ZAP70: variants seen among roughly 807,000 people sequenced by gnomAD.
ZAP70 encodes the protein tyrosine-protein kinase ZAP-70.
In ZAP70, 27 loss-of-function variants were observed where a neutral mutation model predicts 65.8. The ratio of observed to expected loss-of-function variants is 0.41; its 90% CI spans 0.30 to 0.57. ZAP70 has a LOEUF of 0.57. ZAP70 is among the 20% of genes least tolerant of loss of function. The pLI, the probability that ZAP70 is intolerant of heterozygous loss-of-function variation, is 0.28. For missense variants in ZAP70, 696 were observed against 870.5 expected, an observed-to-expected ratio of 0.80 and a Z score of 2.52; for synonymous variants, 363 against 360.8, an observed-to-expected ratio of 1.01 and a Z score of -0.07.
rs1459572735 is a variant in ZAP70 at position 97,715,677 on chromosome 2, G to A, written c.-22+1683G>A. 1.3e-5 allele frequency among the ~76,000 whole-genome samples: 2 copies of A among 152,192 alleles called. No individual in the cohort carries two copies. Among genetic ancestry groups the A allele is most frequent in the Non-Finnish European group, 2.9e-5 (2 of 68,030 alleles). ...GCTGGCTGCTGCATTGGACAGACCT[G>A]AGTTCAAATCCTGGTGGCCCCTTGC... On this transcript the variant is annotated intron_variant, in intron 2 of 13. Coordinates refer to ENST00000264972, the MANE Select transcript of ZAP70 (RefSeq NM_001079.4). This position sits in a 1 kb window ranked among gnomAD's most constrained non-coding sequence, Gnocchi z 4.1.
At position 97,733,171 on chromosome 2, in the gene ZAP70, T is replaced by C; in HGVS notation, c.749T>C (p.Leu250Pro). 1 of 1,613,812 alleles carries C rather than the reference T, an allele frequency of 6.2e-7. No individual in the cohort carries two copies. Among genetic ancestry groups the C allele is most frequent in the Non-Finnish European group, 8.5e-7 (1 of 1,179,942 alleles). ...KLKADGLIYC[L>P]KEACPNSSAS... ...AAGGCGGACGGGCTCATCTACTGCC[T>C]GAAGGAGGCCTGCCCCAACAGCAGT... Residue 250 changes from leucine (L) to proline (P), a missense_variant, in exon 6 of 14, where the codon CTG becomes CCG. Physicochemically the swap from Leu to Pro is moderately conservative, Grantham distance 98. This residue lies in a region of ZAP70 where 551 missense variants were observed against 630.0 expected (regional missense o/e 0.87). Coordinates refer to ENST00000264972, the MANE Select transcript of ZAP70 (RefSeq NM_001079.4).
chr2:97,739,211 C>A (rs1275267079), intron 13 of ZAP70, among the ~76,000 whole-genome samples, 164 bp from the exon 14 acceptor site: 1 of 150,474 alleles, frequency 6.6e-6, no homozygotes, highest in African/African-American at 2.4e-5. Context: ...GCTCTCACAC[C>A]CCAGAGTCCT....
intron 8 of ZAP70, chr2:97,733,921 A>G: frequency 1.1e-5 from 5 of 470,460 alleles, no homozygotes; most frequent in Non-Finnish European, 1.6e-5. Flanking sequence ...GACATGCCTT[A>G]TGAAGTGGCT....
the ZAP70 span, among the ~76,000 whole-genome samples, chr2:97,753,100 C>G: frequency 6.6e-6 from 1 of 152,124 alleles, no homozygotes; most frequent in Non-Finnish European, 1.5e-5. Context: ...TATTTAGAGC[C>G]TTAAAGGAAT....
intron 8 of ZAP70, chr2:97,733,858 ATG>A: frequency 1.7e-6 from 1 of 580,882 alleles, no homozygotes; most frequent in Admixed American, 3.0e-5. Context: ...AGTACCTACT[ATG>A]TGTCAGTCAC....
rs145308616 is a variant in ZAP70, at chr2:97,733,098, T to A, written c.703-27T>A. The A allele has an allele frequency of 1.9e-4, 312 of 1,613,956 alleles. 1 individual carries two copies. The African/African-American group carries it at 3.1e-3, about 16-fold the overall frequency. ...CCGGGCTCTGGGGAGGAGAGGAGCC[T>A]CTCTGCTAGCTGCCTGCTCCCTGCA... On this transcript the variant is annotated intron_variant, in intron 5 of 13. Transcript: ENST00000264972.
intron 2 of ZAP70, among the ~76,000 whole-genome samples, chr2:97,714,453 C>T (rs1676830097): frequency 6.6e-6 from 1 of 152,186 alleles, no homozygotes; most frequent in Non-Finnish European, 1.5e-5. Flanking sequence ...TAGAGGAAGA[C>T]CTGGAGAGAG....
At chr2:97,744,997 G>A in the ZAP70 span, among the ~76,000 whole-genome samples, 1 of 152,160 alleles carries the variant, frequency 6.6e-6, no homozygotes, top group African/African-American at 2.4e-5. Flanking sequence ...AACTGAACTT[G>A]ATCAATATAA....
intron 2 of ZAP70, among the ~76,000 whole-genome samples, chr2:97,714,759 G>T (rs1676841209): frequency 6.6e-6 from 1 of 152,170 alleles, no homozygotes; most frequent in Admixed American, 6.5e-5. Context: ...GAGAGATCAG[G>T]GTCAGGGACT....
In ZAP70 at chr2:97,725,212, C is replaced by G. The variant is rs752318274; in HGVS notation, c.523C>G (p.Arg175Gly). ...CAGCCTGACGCGTGAGGAGGCCGAG[C>G]GCAAACTTTACTCTGGGGCGCAGAC... ...HSSLTREEAE[R>G]KLYSGAQTDG... is the part of the protein sequence containing the mutation. Residue 175 changes from arginine (R) to glycine (G), a missense_variant, in exon 4 of 14, where the codon CGC becomes GGC. Transcript: ENST00000264972. 1 of 1,614,130 alleles carries G rather than the reference C, an allele frequency of 6.2e-7. No individual in the cohort carries two copies. The highest frequency in any genetic ancestry group is 1.1e-5 in the South Asian group (1 of 91,076).
At chr2:97,752,917 A>G in the ZAP70 span, among the ~76,000 whole-genome samples, 1 of 152,236 alleles carries the variant, frequency 6.6e-6, no homozygotes, top group Non-Finnish European at 1.5e-5. Context: ...AAATAGGAAC[A>G]AGTAAAATTA....
intron 4 of ZAP70, among the ~76,000 whole-genome samples, chr2:97,728,734 C>T (rs776561073): frequency 6.6e-6 from 1 of 152,128 alleles, no homozygotes; most frequent in Admixed American, 6.5e-5. Flanking sequence ...CTGGAAAGGG[C>T]CTTTAAGAGA....
At chr2:97,738,377 C>A (rs1255893359) in intron 13 of ZAP70, 2 of 528,728 alleles carry the variant, frequency 3.8e-6, no homozygotes, top group Non-Finnish European at 6.9e-6. Context: ...AACACATGGA[C>A]CCTGCAACAC....
chr2:97,733,676 A>C, intron 8 of ZAP70, 81 bp downstream of exon 8: 1 of 1,578,250 alleles, frequency 6.3e-7, no homozygotes. Flanking sequence ...GTGGGGTTTC[A>C]CGGGGGGCGC....
rs752635149 is a variant in ZAP70, at chr2:97,735,359, A to G, written c.1192A>G (p.Ile398Val). 5.0e-6 allele frequency: 8 copies of G among 1,613,974 alleles called. No individual in the cohort carries two copies. The highest frequency in any genetic ancestry group is 6.8e-6 in the Non-Finnish European group (8 of 1,179,976). The change falls in exon 10 of 14, where the codon ATC becomes GTC. Residue 398 changes from isoleucine (I) to valine (V), a missense_variant. Transcript: ENST00000264972. ...CATGCACCAGCTGGACAACCCCTAC[A>G]TCGTGCGGCTCATTGGCGTCTGCCA... ...QIMHQLDNPY[I>V]VRLIGVCQAE...
At position 97,715,501 on chromosome 2, in the gene ZAP70, G is replaced by A. The variant is rs1005734517; in HGVS notation, c.-22+1507G>A. Among the ~76,000 whole-genome samples the A allele has an allele frequency of 6.6e-5, 10 of 152,212 alleles. No individual in the cohort carries two copies. The highest frequency in any genetic ancestry group is 9.7e-5 in the African/African-American group (4 of 41,446). Reference sequence around the variant, plus strand: ...TGAGGTCACACAGGCAGTGGAGGCCGGAGTTGGGGGCCTCACTGGAGGGGC... The same window carrying A: ...TGAGGTCACACAGGCAGTGGAGGCCAGAGTTGGGGGCCTCACTGGAGGGGC... On this transcript the variant is annotated intron_variant, in intron 2 of 13. Transcript: ENST00000264972. This position sits in a 1 kb window ranked among gnomAD's most constrained non-coding sequence, Gnocchi z 4.1.
At position 97,721,281 on chromosome 2, in the gene ZAP70, C is replaced by T. The variant is rs1677142957; in HGVS notation, c.-21-2735C>T. Among the ~76,000 whole-genome samples the T allele has an allele frequency of 2.6e-5, 4 of 152,200 alleles. 1 individual carries two copies. Among genetic ancestry groups the T allele is most frequent in the African/African-American group, 9.7e-5 (4 of 41,450 alleles). On this transcript the variant is annotated intron_variant, in intron 2 of 13. Transcript: ENST00000264972. ...GCCTACTTGTTAAATTTATCTGAAA[C>T]CCTAAAACCAACATGGCACTTTTGT...
intron 4 of ZAP70, among the ~76,000 whole-genome samples, chr2:97,728,270 C>T (rs973069197): frequency 1.3e-5 from 2 of 152,132 alleles, no homozygotes; most frequent in African/African-American, 2.4e-5. Context: ...ATAGGACAAG[C>T]GTTGGCGGTG....
chr2:97,728,336 G>A (rs867257047), intron 4 of ZAP70, among the ~76,000 whole-genome samples: 4 of 152,368 alleles, frequency 2.6e-5, no homozygotes, highest in East Asian at 3.9e-4. Context: ...CATAGAGCGT[G>A]TGGCTGGCAG....
Sources: allele counts gnomAD v4.1 joint callset (sites outside exome capture counted in the v4.1 genomes callset), GRCh38; gene constraint gnomAD v4.1.1; regional missense constraint gnomAD v4.1.1; non-coding constraint Gnocchi (gnomAD v3.1); transcripts MANE v1.5; gene names NCBI Gene and HGNC (gene_info 2026-07-23, HGNC 2026-07-21).